ADAMTS5: variants seen among roughly 807,000 people sequenced by gnomAD.
The protein encoded by ADAMTS5 is ADAM metallopeptidase with thrombospondin type 1 motif 5.
In ADAMTS5, 54 loss-of-function variants were observed where a neutral mutation model predicts 81.4. The ratio of observed to expected loss-of-function variants is 0.66; its 90% confidence interval spans 0.53 to 0.83. The LOEUF (loss-of-function observed/expected upper bound fraction) is 0.83, where lower values mean the gene tolerates loss of function less well. ADAMTS5 is among the 40% of genes least tolerant of loss of function. The probability of loss-of-function intolerance (pLI) is 0.00; values close to 1 mark genes in which losing one functional copy is unlikely to be tolerated. For missense variants in ADAMTS5, 1,194 were observed against 1,229.9 expected, an observed-to-expected ratio of 0.97 and a Z score of 0.44; for synonymous variants, 532 against 508.8, an observed-to-expected ratio of 1.05 and a Z score of -0.61.
intron 1 of ADAMTS5, among the ~76,000 whole-genome samples, chr21:26,962,562 T>A (rs1449401096): frequency 6.6e-6 from 1 of 152,112 alleles, no homozygotes; most frequent in Non-Finnish European, 1.5e-5. Flanking sequence ...TAAACAGAGG[T>A]AGAAAACATA....
intron 3 of ADAMTS5, among the ~76,000 whole-genome samples, chr21:26,938,888 A>T (rs1254764026): frequency 6.6e-6 from 1 of 152,170 alleles, no homozygotes. Flanking sequence ...TAGCACTAAC[A>T]TTATTTCCAT....
At chr21:26,938,538 GT>G (rs1987057519) in intron 3 of ADAMTS5, among the ~76,000 whole-genome samples, 1 of 151,740 alleles carries the variant, frequency 6.6e-6, no homozygotes, top group African/African-American at 2.4e-5. Context: ...TTTTTGTTTT[GT>G]TTTGTTTTCA....
intron 2 of ADAMTS5, among the ~76,000 whole-genome samples, chr21:26,950,127 C>T (rs1200136764): frequency 6.6e-6 from 1 of 152,196 alleles, no homozygotes; most frequent in African/African-American, 2.4e-5. Context: ...AGGAAGCACA[C>T]TGGAGTCTTT....
chr21:26,933,571 C>T (rs986050138), intron 4 of ADAMTS5, among the ~76,000 whole-genome samples: 19 of 152,222 alleles, frequency 1.2e-4, no homozygotes, highest in Admixed American at 1.2e-3. Flanking sequence ...CCGGACCCAA[C>T]TTGGCTTAAT....
Position 26,965,292 on chromosome 21 carries a change from C to T in ADAMTS5, c.1100G>A (p.Arg367Gln), listed in dbSNP as rs746514475. The change falls in exon 1 of 8, where the codon CGG (arginine) becomes CAG (glutamine). Residue 367 changes from arginine (R) to glutamine (Q), a missense_variant. Physicochemically the swap from Arg to Gln is conservative, Grantham distance 43. Coordinates refer to ENST00000284987, the MANE Select transcript of ADAMTS5 (RefSeq NM_007038.5). ...EHYDAAILFT[R>Q]EDLCGHHSCD... ...CCGCATCCCGGCTGGACCTACCTCC[C>T]GAGTAAACAGGATAGCTGCATCGTA... The T allele has an allele frequency of 2.5e-6, 4 of 1,607,532 alleles. No homozygotes were observed. Among genetic ancestry groups the T allele is most frequent in the Non-Finnish European group, 3.4e-6 (4 of 1,174,976 alleles).
Position 26,966,064 on chromosome 21 carries a change from T to G in ADAMTS5, c.328A>C (p.Ile110Leu), listed in dbSNP as rs1368048512. The change falls in exon 1 of 8, where the codon ATT (isoleucine) becomes CTT (leucine). Residue 110 changes from isoleucine (I) to leucine (L), a missense_variant. This residue lies in a region of ADAMTS5 where 498 missense variants were observed against 412.3 expected (regional missense o/e 1.21). Coordinates refer to ENST00000284987, the MANE Select transcript of ADAMTS5 (RefSeq NM_007038.5). The part of the protein sequence containing the change: ...LDLERDGSVG[I>L]AGFVPAGGGT... ...CCTCCTGCGGGCACGAAGCCAGCAA[T>G]GCCCACCGAACCATCTCGCTCCAGG... The G allele has an allele frequency of 6.2e-7, 1 of 1,613,100 alleles. No homozygotes were observed. The highest frequency in any genetic ancestry group is 8.5e-7 in the Non-Finnish European group (1 of 1,179,956).
chr21:26,959,077 G>C (rs527879358), intron 1 of ADAMTS5, among the ~76,000 whole-genome samples: 2 of 152,318 alleles, frequency 1.3e-5, no homozygotes, highest in African/African-American at 4.8e-5. Flanking sequence ...AAGTCAGGAA[G>C]CTTTCTCTGA....
At chr21:26,955,842 C>A (rs1257655971) in intron 1 of ADAMTS5, among the ~76,000 whole-genome samples, 1 of 152,130 alleles carries the variant, frequency 6.6e-6, no homozygotes, top group East Asian at 1.9e-4. Context: ...AGAGCAAGAT[C>A]GTGTTTCTAG....
chr21:26,943,667 C>T (rs1253855269), intron 2 of ADAMTS5, 120 bp from the exon 3 acceptor site: 1 of 879,898 alleles, frequency 1.1e-6, no homozygotes, highest in Non-Finnish European at 1.7e-6. Context: ...ACTTTAACTG[C>T]TTTCTCACCC....
At position 26,965,634 on chromosome 21, in the gene ADAMTS5, T is replaced by C. The variant is rs1329354780; in HGVS notation, c.758A>G (p.Gln253Arg). The part of the protein sequence containing the change: ...ALSPAGGSGP[Q>R]TWWRRRRRSI... ...GCGGCGCCGCCGCCGCCACCACGTC[T>C]GCGGTCCTGAGCCCCCAGCGGGCGA... Residue 253 changes from glutamine to arginine, a missense_variant, in exon 1 of 8, where the codon CAG (glutamine) becomes CGG (arginine). Physicochemically the swap from Gln to Arg is conservative, Grantham distance 43. Coordinates refer to ENST00000284987, the MANE Select transcript of ADAMTS5 (RefSeq NM_007038.5). 6.3e-7 allele frequency: 1 copy of C among 1,597,476 alleles called. No homozygotes were observed. The highest frequency in any genetic ancestry group is 1.3e-5 in the African/African-American group (1 of 74,586).
chr21:26,949,039 A>G (rs1430283402), intron 2 of ADAMTS5, among the ~76,000 whole-genome samples: 1 of 152,126 alleles, frequency 6.6e-6, no homozygotes, highest in African/African-American at 2.4e-5. Context: ...TGCTTGACAT[A>G]TATCAAAGGA....
At chr21:26,931,630 T>C (rs1986908259) in intron 6 of ADAMTS5, among the ~76,000 whole-genome samples, 1 of 152,172 alleles carries the variant, frequency 6.6e-6, no homozygotes, top group African/African-American at 2.4e-5. Flanking sequence ...AAGTAAATCA[T>C]AGAAAAATAG....
At chr21:26,964,414 T>C (rs1987595644) in intron 1 of ADAMTS5, among the ~76,000 whole-genome samples, 2 of 152,240 alleles carry the variant, frequency 1.3e-5, no homozygotes. Context: ...CATAACCATC[T>C]TTCTTAAAAG....
rs145947382 is a variant in ADAMTS5 at position 26,966,205 on chromosome 21, G to T, written c.187C>A (p.Pro63Thr). Residue 63 changes from proline (P) to threonine (T), a missense_variant, in exon 1 of 8, where the codon CCC becomes ACC. Coordinates refer to ENST00000284987, the MANE Select transcript of ADAMTS5 (RefSeq NM_007038.5). ...TTGCTCCTGCGCCGCTGCGCCAGGGGGTGCGGGTGGCCGGGAGGCTCGGCT... is the reference window on the plus strand; with the variant it reads ...TTGCTCCTGCGCCGCTGCGCCAGGGTGTGCGGGTGGCCGGGAGGCTCGGCT... The part of the protein sequence containing the change: ...ERAEPPGHPH[P>T]LAQRRRSKGL... 240 of 1,597,230 alleles carry T rather than the reference G, an allele frequency of 1.5e-4. No individual in the cohort carries two copies. Among genetic ancestry groups the T allele is most frequent in the Non-Finnish European group, 1.9e-4 (224 of 1,172,340 alleles).
intron 3 of ADAMTS5, among the ~76,000 whole-genome samples, chr21:26,943,075 G>A (rs1849564121): frequency 6.6e-6 from 1 of 152,172 alleles, no homozygotes; most frequent in Non-Finnish European, 1.5e-5. Flanking sequence ...CAGGAAGCTA[G>A]TGGTAAAAGA....
At position 26,943,344 on chromosome 21, in the gene ADAMTS5, T is replaced by C. The variant is rs371941790; in HGVS notation, c.1405+36A>G. ...TCAAACTCCTAAGAATCCCAAATTT[T>C]GTTTCTCAGTCTGTGTTCTCCTAAA... On this transcript the variant is annotated intron_variant, in intron 3 of 7. Coordinates refer to ENST00000284987, the MANE Select transcript of ADAMTS5 (RefSeq NM_007038.5). The C allele has an allele frequency of 2.5e-6, 4 of 1,570,814 alleles. No homozygotes were observed. The African/African-American group carries it at 5.5e-5, about 22-fold the overall frequency.
rs535235946 is a variant in ADAMTS5 at position 26,966,089 on chromosome 21, G to A, written c.303C>T (p.Asp101=). 771 of 1,612,950 alleles carry A rather than the reference G, an allele frequency of 4.8e-4. 12 individuals are homozygous for A. In the South Asian group the frequency reaches 7.9e-3, roughly 17 times the overall value. The change falls in exon 1 of 8, where the codon GAC becomes GAT. Residue 101 remains aspartate (D), a synonymous_variant. Coordinates refer to ENST00000284987, the MANE Select transcript of ADAMTS5 (RefSeq NM_007038.5). Reference sequence around the variant, plus strand: ...TGCCCACCGAACCATCTCGCTCCAGGTCCAAGAGGAACCTCCGGCCGCCCG... The same window carrying A: ...TGCCCACCGAACCATCTCGCTCCAGATCCAAGAGGAACCTCCGGCCGCCCG... ...VYAGGRRFLL[D]LERDGSVGIA... is the part of the protein sequence containing the mutation.
intron 1 of ADAMTS5, among the ~76,000 whole-genome samples, chr21:26,961,895 T>C (rs1205233843): frequency 1.3e-5 from 2 of 152,122 alleles, no homozygotes; most frequent in Non-Finnish European, 2.9e-5. Context: ...TACTGCCCCC[T>C]GTTGTCAGAA....
At chr21:26,949,909 G>T (rs1987286886) in intron 2 of ADAMTS5, among the ~76,000 whole-genome samples, 1 of 152,140 alleles carries the variant, frequency 6.6e-6, no homozygotes, top group South Asian at 2.1e-4. Flanking sequence ...TTGGTCTGTG[G>T]TGTTTCAAGA....
Sources: gnomAD v4.1 joint callset for allele counts (sites outside exome capture counted in the v4.1 genomes callset) on GRCh38, gnomAD v4.1.1 for gene constraint, gnomAD v4.1.1 regional missense constraint, MANE v1.5 for transcripts, NCBI Gene and HGNC (gene_info 2026-07-23, HGNC 2026-07-21) for gene names.